CLASP2: variants seen among roughly 807,000 people sequenced by gnomAD.
CLASP2 encodes the protein cytoplasmic linker associated protein 2.
Under a neutral mutation model 194.4 loss-of-function variants are expected in CLASP2, and 47 were observed. That is an observed-to-expected ratio of 0.24 (90% CI 0.19 to 0.31). The LOEUF (loss-of-function observed/expected upper bound fraction) is 0.31, where lower values mean the gene tolerates loss of function less well. Among genes scored for constraint, CLASP2 ranks in the 10% least tolerant of loss-of-function variants. The pLI, the probability that CLASP2 is intolerant of heterozygous loss-of-function variation, is 1.00. For missense variants in CLASP2, 1,445 were observed against 1,823.6 expected (o/e 0.79, Z 3.78); for synonymous variants, 619 against 633.5 (o/e 0.98, Z 0.34).
Position 33,622,294 on chromosome 3 carries a change from T to A in CLASP2, c.1036-14A>T. ...AATTTTCTTCAGCTGAAATAAAGAA[T>A]TTTCATTATTGACAAAAAAGGTGGA... On this transcript the variant is annotated splice_polypyrimidine_tract_variant and intron_variant, in intron 10 of 38. Coordinates refer to ENST00000682230, the MANE Select transcript of CLASP2 (RefSeq NM_001365631.1). 1 of 1,441,284 alleles carries A rather than the reference T, an allele frequency of 6.9e-7. No individual in the cohort carries two copies. The highest frequency in any genetic ancestry group is 2.5e-5 in the East Asian group (1 of 39,326). The allele number at this position is 1,441,284 out of a possible 1,614,324, so 89.3% of individuals were successfully genotyped here. A position where few individuals can be genotyped will look rare whatever the true frequency, so the allele number is the denominator to read the frequency against.
chr3:33,635,941 T>G (rs2080052191), intron 8 of CLASP2, among the ~76,000 whole-genome samples: 1 of 151,796 alleles, frequency 6.6e-6, no homozygotes, highest in Non-Finnish European at 1.5e-5. Context: ...AATATAAACA[T>G]CCAAGACAAG....
At chr3:33,606,021 ATCAGTAATTTTAGCAATC>A (rs1253952680) in intron 16 of CLASP2, among the ~76,000 whole-genome samples, 3 of 152,162 alleles carry the variant, frequency 2.0e-5, no homozygotes, top group African/African-American at 7.2e-5. Flanking sequence ...TGGAGAAGGC[ATCAGTAATTTTAGCAATC>A]TCATAGGGCT....
At chr3:33,693,321 ATAAC>A (rs1357787385) in intron 2 of CLASP2, among the ~76,000 whole-genome samples, 2 of 152,296 alleles carry the variant, frequency 1.3e-5, no homozygotes, top group African/African-American at 4.8e-5. Flanking sequence ...ACATGTAATG[ATAAC>A]TAATAACCCG....
chr3:33,611,055 T>A (rs1484062012), intron 13 of CLASP2, among the ~76,000 whole-genome samples: 1 of 152,158 alleles, frequency 6.6e-6, no homozygotes. Flanking sequence ...CACACACACA[T>A]ACACATACAC....
chr3:33,565,357 T>A (rs2062521304), intron 27 of CLASP2, among the ~76,000 whole-genome samples: 1 of 151,906 alleles, frequency 6.6e-6, no homozygotes, highest in Admixed American at 6.6e-5. Context: ...TTTTTTGTAC[T>A]TTTAGTAGAG....
chr3:33,604,051 C>T (rs1034315646), intron 17 of CLASP2, 103 bp downstream of exon 17: 10 of 820,574 alleles, frequency 1.2e-5, no homozygotes, highest in Non-Finnish European at 2.0e-5. Context: ...TACTGAGTTA[C>T]CAAGTAAAAC....
intron 1 of CLASP2, among the ~76,000 whole-genome samples, chr3:33,707,402 T>C (rs1559698591): frequency 6.6e-6 from 1 of 152,248 alleles, no homozygotes; most frequent in Non-Finnish European, 1.5e-5. Context: ...CCTACCATTC[T>C]ATATAAACCA....
chr3:33,689,979 C>T (rs767420467), intron 2 of CLASP2, 47 bp from the exon 3 acceptor site: 1 of 1,192,488 alleles, frequency 8.4e-7, no homozygotes, highest in Non-Finnish European at 1.1e-6. Context: ...TAACTCATCT[C>T]CATTAAAAAC....
At chr3:33,661,909 T>A (rs2085367745) in intron 7 of CLASP2, among the ~76,000 whole-genome samples, 1 of 152,214 alleles carries the variant, frequency 6.6e-6, no homozygotes, top group South Asian at 2.1e-4. Flanking sequence ...AGCATCCTCT[T>A]GTTAATTAAT....
chr3:33,544,056 A>G lies in CLASP2; in HGVS notation c.3298-517T>C, dbSNP rs573576219. On this transcript the variant is annotated intron_variant, in intron 31 of 38. Coordinates refer to ENST00000682230, the MANE Select transcript of CLASP2 (RefSeq NM_001365631.1). ...CAGACTTTACCTTAAGCCTGCCATC[A>G]GTGTGTCTCCTTTATTTGCCATTAA... Among the ~76,000 whole-genome samples, 99 of 152,282 alleles carry G rather than the reference A, an allele frequency of 6.5e-4. No homozygotes were observed. In the South Asian group the frequency reaches 7.7e-3, roughly 12 times the overall value.
chr3:33,537,597 T>C (rs1002888191), intron 33 of CLASP2, among the ~76,000 whole-genome samples: 1 of 152,154 alleles, frequency 6.6e-6, no homozygotes, highest in Non-Finnish European at 1.5e-5. Flanking sequence ...TATTCAAATA[T>C]GTCAATAATA....
chr3:33,596,898 A>AT (rs1374680915), intron 18 of CLASP2, among the ~76,000 whole-genome samples, 164 bp from the exon 19 acceptor site: 4 of 152,236 alleles, frequency 2.6e-5, no homozygotes, highest in African/African-American at 9.6e-5. Context: ...ATTAAACCAG[A>AT]TGTGAGATAA....
At chr3:33,508,914 T>C (rs1392101983) in intron 37 of CLASP2, among the ~76,000 whole-genome samples, 1 of 152,330 alleles carries the variant, frequency 6.6e-6, no homozygotes, top group East Asian at 1.9e-4. Flanking sequence ...ATAGTTTCCT[T>C]GCTTTCAGTC....
intron 32 of CLASP2, among the ~76,000 whole-genome samples, chr3:33,539,293 T>G (rs1014260636): frequency 1.3e-5 from 2 of 152,124 alleles, no homozygotes; most frequent in Admixed American, 1.3e-4. Context: ...AAAAAAATCA[T>G]GAAAATTAGA....
chr3:33,550,955 T>C (rs1408307806), intron 30 of CLASP2, among the ~76,000 whole-genome samples: 20 of 152,214 alleles, frequency 1.3e-4, no homozygotes, highest in Non-Finnish European at 8.8e-5. Flanking sequence ...AACAACAGTG[T>C]AAGCTCTCAT....
At position 33,717,942 on chromosome 3, in the gene CLASP2, G is replaced by C; in HGVS notation, c.61C>G (p.Arg21Gly). Residue 21 changes from arginine to glycine, a missense_variant, in exon 1 of 39, where the codon CGG (arginine) becomes GGG (glycine). Coordinates refer to ENST00000682230, the MANE Select transcript of CLASP2 (RefSeq NM_001365631.1). ...AQVQQKDVGG[R>G]LQVGQELLLY... ...AGGAGCTCCTGGCCGACCTGCAGCC[G>C]GCCGCCGACGTCCTTCTGCTGCACC... 6.5e-7 allele frequency: 1 copy of C among 1,546,742 alleles called. No homozygotes were observed. The highest frequency in any genetic ancestry group is 2.4e-5 in the East Asian group (1 of 40,932).
intron 37 of CLASP2, among the ~76,000 whole-genome samples, chr3:33,506,601 T>C (rs1036744311): frequency 6.6e-6 from 1 of 152,084 alleles, no homozygotes. Flanking sequence ...GATGGATCAA[T>C]TCTTGGAGCT....
chr3:33,651,396 A>C (rs2083181541), intron 7 of CLASP2, among the ~76,000 whole-genome samples: 2 of 150,632 alleles, frequency 1.3e-5, no homozygotes, highest in East Asian at 1.9e-4. Flanking sequence ...AAAAAAAAAA[A>C]AAAAAAAACC....
chr3:33,580,051 G>A (rs1458018786), intron 23 of CLASP2, among the ~76,000 whole-genome samples: 1 of 152,144 alleles, frequency 6.6e-6, no homozygotes. Flanking sequence ...CAAAGTACCT[G>A]CCACACACAG....
Sources: allele counts gnomAD v4.1 joint callset (sites outside exome capture counted in the v4.1 genomes callset), GRCh38; gene constraint gnomAD v4.1.1; transcripts MANE v1.5; gene names NCBI Gene and HGNC (gene_info 2026-07-23, HGNC 2026-07-21).